PRKCI: variants seen among roughly 807,000 people sequenced by gnomAD.
PRKCI encodes the protein protein kinase C iota type.
A neutral mutation model predicts 84.0 loss-of-function variants in PRKCI; 43 were observed. The observed-to-expected ratio is 0.51, with a 90% CI of 0.40 to 0.66. The LOEUF is 0.66. PRKCI is among the 30% of genes least tolerant of loss of function. The pLI is 0.00. For synonymous variants in PRKCI, 216 were observed against 234.4 expected (o/e 0.92, Z 0.72); for missense variants, 459 against 745.6 (o/e 0.62, Z 4.48).
intron 13 of PRKCI, among the ~76,000 whole-genome samples, chr3:170,292,185 G>T (rs1448618162): frequency 6.6e-6 from 1 of 152,148 alleles, no homozygotes; most frequent in African/African-American, 2.4e-5. Flanking sequence ...ACAGTAGCAG[G>T]CACTATTCTA....
intron 1 of PRKCI, among the ~76,000 whole-genome samples, chr3:170,231,090 G>C (rs1577338782): frequency 6.6e-6 from 1 of 151,080 alleles, no homozygotes; most frequent in African/African-American, 2.4e-5. Flanking sequence ...CTCTCAAGTA[G>C]CTGGGATTAC....
At chr3:170,223,482 T>TA (rs1732549511) in intron 1 of PRKCI, among the ~76,000 whole-genome samples, 1 of 152,206 alleles carries the variant, frequency 6.6e-6, no homozygotes, top group African/African-American at 2.4e-5. Flanking sequence ...CTAGCCTAGT[T>TA]ACAGTTTTAA....
intron 12 of PRKCI, among the ~76,000 whole-genome samples, chr3:170,285,218 T>C (rs1734347722): frequency 6.6e-6 from 1 of 151,904 alleles, no homozygotes; most frequent in African/African-American, 2.4e-5. Context: ...TAGCTGGGAC[T>C]ACAGGCGCCT....
intron 1 of PRKCI, among the ~76,000 whole-genome samples, chr3:170,228,242 G>A (rs1200028131): frequency 6.6e-6 from 1 of 152,118 alleles, no homozygotes; most frequent in Non-Finnish European, 1.5e-5. Context: ...AAACAAAAAT[G>A]ACACCAGTGG....
chr3:170,260,004 G>C lies in PRKCI; in HGVS notation c.259G>C (p.Glu87Gln), dbSNP rs182924386. ...TACAGTATCATCTCAGTTGGAGTTAGAAGAAGCCTTTAGACTTTATGAGCT... is the reference window on the plus strand; with the variant it reads ...TACAGTATCATCTCAGTTGGAGTTACAAGAAGCCTTTAGACTTTATGAGCT... ...PCTVSSQLEL[E>Q]EAFRLYELNK... The change falls in exon 3 of 18, where the codon GAA (glutamate) becomes CAA (glutamine). Residue 87 changes from glutamate (E) to glutamine (Q), a missense_variant. By Grantham distance (29) the Glu-to-Gln change is conservative (BLOSUM62 2). Around this residue, in one of 2 missense-constraint regions of PRKCI, gnomAD observed 250 missense variants for 319.7 expected, o/e 0.78. Coordinates refer to ENST00000295797, the MANE Select transcript of PRKCI (RefSeq NM_002740.6). 198 of 1,613,092 alleles carry C rather than the reference G, an allele frequency of 1.2e-4. No homozygotes were observed. Among genetic ancestry groups the C allele is most frequent in the Non-Finnish European group, 1.5e-4 (182 of 1,179,502 alleles).
chr3:170,293,806 G>A (rs1458963842), intron 14 of PRKCI, among the ~76,000 whole-genome samples: 2 of 151,770 alleles, frequency 1.3e-5, no homozygotes, highest in Non-Finnish European at 2.9e-5. Context: ...GCACACTCCC[G>A]AGTAACTGGG....
intron 2 of PRKCI, among the ~76,000 whole-genome samples, chr3:170,256,630 G>T (rs887164973): frequency 6.6e-6 from 1 of 152,024 alleles, no homozygotes; most frequent in African/African-American, 2.4e-5. Flanking sequence ...TTTACATTTT[G>T]TTGATCTTTT....
At chr3:170,278,577 G>A (rs1734173491) in intron 8 of PRKCI, among the ~76,000 whole-genome samples, 1 of 152,184 alleles carries the variant, frequency 6.6e-6, no homozygotes, top group South Asian at 2.1e-4. Context: ...GATCACTTGA[G>A]CCCAGGAGTT....
intron 12 of PRKCI, among the ~76,000 whole-genome samples, chr3:170,289,291 T>C (rs1734477805): frequency 6.6e-6 from 1 of 152,234 alleles, no homozygotes; most frequent in African/African-American, 2.4e-5. Context: ...ATATCCCTTT[T>C]AGAAATCATT....
chr3:170,282,365 C>T (rs571829412), intron 11 of PRKCI, among the ~76,000 whole-genome samples: 18 of 152,152 alleles, frequency 1.2e-4, no homozygotes, highest in African/African-American at 1.9e-4. Context: ...GAGTTCTTCA[C>T]GATAAGAGTG....
chr3:170,303,062 C>T lies in PRKCI; in HGVS notation c.1726C>T (p.Gln576Ter). The change falls in exon 18 of 18, where the codon CAG becomes TAG. Residue 576 changes from glutamine to a stop codon, truncating the protein, a stop_gained. Coordinates refer to ENST00000295797, the MANE Select transcript of PRKCI (RefSeq NM_002740.6). LOFTEE classifies it high-confidence loss of function. The stretch of plus-strand genomic sequence containing the variant: ...CAGTGACATTGTGAGGAAGATTGAT[C>T]AGTCTGAATTTGAAGGTTTTGAGTA... ...DDDDIVRKIDQSEFEGFEYIN... is the reference protein window; with the variant it reads ...DDDDIVRKID 6.2e-7 allele frequency: 1 copy of T among 1,601,136 alleles called. No homozygotes were observed. Among genetic ancestry groups the T allele is most frequent in the Non-Finnish European group, 8.5e-7 (1 of 1,174,442 alleles).
At chr3:170,265,116 G>A (rs1230653784) in intron 4 of PRKCI, among the ~76,000 whole-genome samples, 2 of 151,796 alleles carry the variant, frequency 1.3e-5, no homozygotes, top group East Asian at 1.9e-4. Context: ...TTGAACCTGG[G>A]AAGCGGAGGT....
intron 11 of PRKCI, among the ~76,000 whole-genome samples, 196 bp from the exon 12 acceptor site, chr3:170,284,265 A>AC (rs1734320656): frequency 2.0e-5 from 3 of 152,190 alleles, no homozygotes; most frequent in Non-Finnish European, 4.4e-5. Flanking sequence ...ATGTGAGTTT[A>AC]AGTTAGACAG....
rs560441945 is a variant in PRKCI at position 170,255,241 on chromosome 3, G to A, written c.224-4728G>A. ...ATGCCTGGCTAATTTTGTATTTTTA[G>A]TGGAGACGAGGTTTCTCCATGTTAG... is the stretch of plus-strand genomic sequence containing the variant. On this transcript the variant is annotated intron_variant, in intron 2 of 17. Transcript: ENST00000295797. Among the ~76,000 whole-genome samples, 21 of 151,816 alleles carry A rather than the reference G, an allele frequency of 1.4e-4. No homozygotes were observed. The South Asian group carries it at 3.1e-3, about 23-fold the overall frequency.
intron 4 of PRKCI, among the ~76,000 whole-genome samples, chr3:170,264,815 C>CT (rs1229590591): frequency 2.0e-5 from 3 of 152,126 alleles, no homozygotes; most frequent in Admixed American, 1.3e-4. Context: ...ATCTGGATAT[C>CT]TTTGTATTTT....
At position 170,273,299 on chromosome 3, in the gene PRKCI, C is replaced by A; in HGVS notation, c.605C>A (p.Pro202His). The change falls in exon 7 of 18, where the codon CCC (proline) becomes CAC (histidine). Residue 202 changes from proline (P) to histidine (H), a missense_variant. Coordinates refer to ENST00000295797, the MANE Select transcript of PRKCI (RefSeq NM_002740.6). ...RHSLPQEPVM[P>H]MDQSSMHSDH... ...AAATGTTTGTAGGAACCAGTGATGC[C>A]CATGGATCAGTCATCCATGCATTCT... 6.2e-7 allele frequency: 1 copy of A among 1,613,310 alleles called. No individual in the cohort carries two copies. The highest frequency in any genetic ancestry group is 8.5e-7 in the Non-Finnish European group (1 of 1,179,546).
Position 170,242,292 on chromosome 3 carries a change from T to A in PRKCI, c.223+6941T>A, listed in dbSNP as rs1733153012. Among the ~76,000 whole-genome samples, 3 of 151,616 alleles carry A rather than the reference T, an allele frequency of 2.0e-5. No homozygotes were observed. In the South Asian group the frequency reaches 6.2e-4, roughly 32 times the overall value. On this transcript the variant is annotated intron_variant, in intron 2 of 17. Transcript: ENST00000295797. ...AAGCTGAAAACTGAAAAATTAATAT[T>A]AACAGCCAGGCATAGGGCTCATGCC... is the stretch of plus-strand genomic sequence containing the variant.
intron 1 of PRKCI, among the ~76,000 whole-genome samples, chr3:170,234,859 G>A (rs1270659876): frequency 1.3e-5 from 2 of 152,020 alleles, no homozygotes; most frequent in Non-Finnish European, 2.9e-5. Flanking sequence ...CTGGAGTGCA[G>A]TGATGTGATC....
At chr3:170,239,186 G>T (rs983630451) in intron 2 of PRKCI, among the ~76,000 whole-genome samples, 3 of 152,110 alleles carry the variant, frequency 2.0e-5, no homozygotes, top group African/African-American at 7.2e-5. Context: ...CATTTTTAAA[G>T]ATCAGTAAGT....
Sources: allele counts gnomAD v4.1 joint callset (sites outside exome capture counted in the v4.1 genomes callset), GRCh38; gene constraint gnomAD v4.1.1; regional missense constraint gnomAD v4.1.1; transcripts MANE v1.5; gene names NCBI Gene and HGNC (gene_info 2026-07-23, HGNC 2026-07-21).